Variants in GUCY1A2 observed in about 807,000 individuals in gnomAD.
GUCY1A2 encodes guanylate cyclase soluble subunit alpha-2.
GUCY1A2 carries 27 observed loss-of-function variants against 63.5 expected under a neutral mutation model. The observed-to-expected ratio is 0.43, with a 90% CI of 0.31 to 0.59. The LOEUF is 0.59. GUCY1A2 is among the 20% of genes least tolerant of loss of function. GUCY1A2 has a pLI of 0.11. For synonymous variants in GUCY1A2, 364 were observed against 343.5 expected (o/e 1.06, Z -0.66); for missense variants, 768 against 913.3 (o/e 0.84, Z 2.05).
intron 4 of GUCY1A2, among the ~76,000 whole-genome samples, chr11:106,811,192 C>T (rs1367208815): frequency 1.3e-5 from 2 of 152,004 alleles, no homozygotes; most frequent in Non-Finnish European, 2.9e-5. Flanking sequence ...TAATTTAAAT[C>T]TATTCCTCTT....
At chr11:106,866,355 C>A (rs965121516) in intron 4 of GUCY1A2, among the ~76,000 whole-genome samples, 1 of 151,926 alleles carries the variant, frequency 6.6e-6, no homozygotes, top group Admixed American at 6.6e-5. Flanking sequence ...TAATGAGTCA[C>A]AAAACATTTC....
intron 4 of GUCY1A2, among the ~76,000 whole-genome samples, chr11:106,850,126 T>C (rs1210737988): frequency 1.3e-5 from 2 of 151,796 alleles, no homozygotes; most frequent in African/African-American, 4.8e-5. Context: ...TTCATATAAA[T>C]GGAACCATAT....
intron 4 of GUCY1A2, among the ~76,000 whole-genome samples, chr11:106,894,158 T>C (rs1295694329): frequency 6.6e-6 from 1 of 152,028 alleles, no homozygotes; most frequent in Non-Finnish European, 1.5e-5. Context: ...GGAAGAGAAA[T>C]ACCCAACAGG....
intron 1 of GUCY1A2, among the ~76,000 whole-genome samples, chr11:106,996,147 G>A (rs144116266): frequency 6.6e-6 from 1 of 152,282 alleles, no homozygotes; most frequent in African/African-American, 2.4e-5. Context: ...TTCACTCCAG[G>A]CAAAGTAGGC....
At chr11:106,916,569 A>C (rs376086504) in intron 4 of GUCY1A2, among the ~76,000 whole-genome samples, 2 of 145,826 alleles carry the variant, frequency 1.4e-5, no homozygotes, top group East Asian at 4.2e-4. Context: ...CAGGTGAGCC[A>C]TATTTTAACT....
rs184854526 is a variant in GUCY1A2 at position 106,679,005 on chromosome 11, C to G, written c.*8544G>C. 2 of 189,268 alleles carry G rather than the reference C, an allele frequency of 1.1e-5. No individual in the cohort carries two copies. Among genetic ancestry groups the G allele is most frequent in the Non-Finnish European group, 1.1e-5 (1 of 89,964 alleles). The allele number at this position is 189,268 out of a possible 1,614,324, so 11.7% of individuals were successfully genotyped here. On this transcript the variant is annotated 3_prime_UTR_variant, in exon 8 of 8. Coordinates refer to ENST00000526355, the MANE Select transcript of GUCY1A2 (RefSeq NM_000855.3). ...CCTAGAAACAACATTAATTGAATCT[C>G]TCATTGCTGAAGAAGTTGACACATT... is the stretch of plus-strand genomic sequence containing the variant.
intron 1 of GUCY1A2, among the ~76,000 whole-genome samples, chr11:106,994,752 C>G (rs1211002376): frequency 6.6e-6 from 1 of 152,178 alleles, no homozygotes; most frequent in Admixed American, 6.5e-5. Context: ...CTGCATCCTC[C>G]ATTGGTAATT....
At chr11:106,769,238 C>T (rs1424953821) in intron 6 of GUCY1A2, among the ~76,000 whole-genome samples, 1 of 152,102 alleles carries the variant, frequency 6.6e-6, no homozygotes, top group Non-Finnish European at 1.5e-5. Flanking sequence ...TGGAGACTGA[C>T]TTACCAGGAG....
At position 106,810,121 on chromosome 11, in the gene GUCY1A2, T is replaced by C; in HGVS notation, c.1564A>G (p.Met522Val). The change falls in exon 5 of 8, where the codon ATG (methionine) becomes GTG (valine). Residue 522 changes from methionine (M) to valine (V), a missense_variant. Transcript: ENST00000526355. ...VQARKFDDVT[M>V]LFSDIVGFTA... ...AAGCCAACAATGTCTGAAAAGAGCA[T>C]GGTGACATCATCAAACTTTCTGGCC... is the stretch of plus-strand genomic sequence containing the variant. 6.2e-7 allele frequency: 1 copy of C among 1,614,002 alleles called. No homozygotes were observed. Among genetic ancestry groups the C allele is most frequent in the Non-Finnish European group, 8.5e-7 (1 of 1,179,914 alleles).
intron 4 of GUCY1A2, among the ~76,000 whole-genome samples, chr11:106,848,814 A>T (rs1005671105): frequency 6.6e-6 from 1 of 151,668 alleles, no homozygotes; most frequent in African/African-American, 2.4e-5. Flanking sequence ...CATTTATTGA[A>T]AATTCCATCT....
intron 5 of GUCY1A2, among the ~76,000 whole-genome samples, chr11:106,798,446 G>A (rs1864808664): frequency 6.6e-6 from 1 of 152,062 alleles, no homozygotes; most frequent in Non-Finnish European, 1.5e-5. Flanking sequence ...CCAAAGGCTG[G>A]CAAAAACACA....
intron 7 of GUCY1A2, among the ~76,000 whole-genome samples, chr11:106,705,961 C>T (rs1286543805): frequency 6.6e-6 from 1 of 152,134 alleles, no homozygotes; most frequent in Non-Finnish European, 1.5e-5. Context: ...ATGTTTTGTT[C>T]ATTTTTATTA....
chr11:106,877,985 CT>C (rs1190259714), intron 4 of GUCY1A2, among the ~76,000 whole-genome samples: 1 of 151,702 alleles, frequency 6.6e-6, no homozygotes, highest in African/African-American at 2.4e-5. Flanking sequence ...TAAACAGACA[CT>C]TTTCAAAAAA....
rs1862527231 is a variant in GUCY1A2 at position 106,686,414 on chromosome 11, A to G, written c.*1135T>C. On this transcript the variant is annotated 3_prime_UTR_variant, in exon 8 of 8. Transcript: ENST00000526355. ...TTAAAACCTCAAAGCCATAAAATACAGAGGTTTCCTTGCTTTGTGTTGTAC... is the reference window on the plus strand; with the variant it reads ...TTAAAACCTCAAAGCCATAAAATACGGAGGTTTCCTTGCTTTGTGTTGTAC... 6.8e-5 allele frequency: 15 copies of G among 219,222 alleles called. No individual in the cohort carries two copies. The East Asian group carries it at 1.0e-3, about 15-fold the overall frequency. 13.6% of individuals were successfully genotyped at this position (219,222 alleles called of 1,614,324 possible).
At chr11:106,993,021 A>T (rs1212778560) in intron 1 of GUCY1A2, among the ~76,000 whole-genome samples, 1 of 152,208 alleles carries the variant, frequency 6.6e-6, no homozygotes, top group East Asian at 1.9e-4. Flanking sequence ...TTCTAAGATG[A>T]TGCTCAAGAG....
chr11:106,944,185 A>G (rs1332757409), intron 3 of GUCY1A2, among the ~76,000 whole-genome samples: 1 of 127,700 alleles, frequency 7.8e-6, no homozygotes, highest in Non-Finnish European at 1.6e-5. Flanking sequence ...ACTGCACTCC[A>G]GCCTGGGCAA....
In GUCY1A2 at chr11:106,683,522, C is replaced by T. The variant is rs1862466488; in HGVS notation, c.*4027G>A. 1 of 228,578 alleles carries T rather than the reference C, an allele frequency of 4.4e-6. No individual in the cohort carries two copies. The highest frequency in any genetic ancestry group is 8.7e-6 in the Non-Finnish European group (1 of 115,142). 14.2% of individuals were successfully genotyped at this position (228,578 alleles called of 1,614,324 possible). A position where few individuals can be genotyped will look rare whatever the true frequency, so the allele number is the denominator to read the frequency against. On this transcript the variant is annotated 3_prime_UTR_variant, in exon 8 of 8. Transcript: ENST00000526355. ...TACACTTCAGAAGTACATTGTTGCT[C>T]AGGCCTGACTGTGTGTGGTCCTTCC...
chr11:106,953,843 G>A (rs897653527), intron 3 of GUCY1A2, among the ~76,000 whole-genome samples: 2 of 152,084 alleles, frequency 1.3e-5, no homozygotes, highest in Non-Finnish European at 2.9e-5. Flanking sequence ...ATGGTAGTTT[G>A]TATTTCTGTG....
At chr11:106,829,158 G>A (rs948747440) in intron 4 of GUCY1A2, among the ~76,000 whole-genome samples, 4 of 152,164 alleles carry the variant, frequency 2.6e-5, no homozygotes, top group Admixed American at 6.5e-5. Context: ...ACAGCATGTT[G>A]GAATTTTCAA....
Sources: gnomAD v4.1 joint callset for allele counts (sites outside exome capture counted in the v4.1 genomes callset) on GRCh38, gnomAD v4.1.1 for gene constraint, MANE v1.5 for transcripts, NCBI Gene and HGNC (gene_info 2026-07-23, HGNC 2026-07-21) for gene names.